PAM: variants seen among roughly 807,000 people sequenced by gnomAD.
PAM encodes the protein peptidyl-glycine alpha-amidating monooxygenase.
In PAM, 72 loss-of-function variants were observed where a neutral mutation model predicts 122.1. The ratio of observed to expected loss-of-function variants is 0.59; its 90% CI spans 0.49 to 0.72. The LOEUF is 0.72. PAM is among the 30% of genes least tolerant of loss of function. PAM has a pLI of 0.00. For synonymous variants in PAM, 389 were observed against 404.4 expected (o/e 0.96, Z 0.46); for missense variants, 1,106 against 1,183.7 (o/e 0.93, Z 0.96).
At chr5:102,916,672 A>G (rs1803208046) in intron 5 of PAM, among the ~76,000 whole-genome samples, 1 of 147,042 alleles carries the variant, frequency 6.8e-6, no homozygotes, top group South Asian at 2.1e-4. Context: ...AAAGATTATA[A>G]TACATATTTA....
chr5:102,767,111 G>A (rs1754340620), intron 1 of PAM, among the ~76,000 whole-genome samples: 1 of 150,796 alleles, frequency 6.6e-6, no homozygotes, highest in Non-Finnish European at 1.5e-5. Context: ...AACCAGAAGG[G>A]TTTATGGTTT....
intron 3 of PAM, among the ~76,000 whole-genome samples, chr5:102,868,599 A>G (rs574191531): frequency 1.1e-4 from 16 of 152,230 alleles, no homozygotes; most frequent in Non-Finnish European, 2.1e-4. Context: ...GAGAAGAACA[A>G]CAGTTGCTCA....
intron 1 of PAM, among the ~76,000 whole-genome samples, chr5:102,770,580 T>C (rs776455688): frequency 6.6e-6 from 1 of 152,152 alleles, no homozygotes; most frequent in Non-Finnish European, 1.5e-5. Flanking sequence ...TGAAAGTACA[T>C]TGAATTTTAT....
At chr5:103,013,735 A>G (rs956576188) in intron 21 of PAM, among the ~76,000 whole-genome samples, 2 of 152,194 alleles carry the variant, frequency 1.3e-5, no homozygotes, top group Non-Finnish European at 2.9e-5. Context: ...GCATTATGCT[A>G]GGTACTAAGG....
At position 103,019,780 on chromosome 5, in the gene PAM, G is replaced by A. The variant is rs1783042878; in HGVS notation, c.2432-10G>A. ...TCTGACTTTTCTCTCTCCTTGTTGT[G>A]TTGTTACAGAATTGGAACATCGATC... On this transcript the variant is annotated splice_polypyrimidine_tract_variant and intron_variant, in intron 22 of 25. Transcript: ENST00000438793. 6.3e-7 allele frequency: 1 copy of A among 1,588,368 alleles called. No homozygotes were observed. The highest frequency in any genetic ancestry group is 8.6e-7 in the Non-Finnish European group (1 of 1,156,914).
chr5:102,968,711 C>T (rs960884088), intron 14 of PAM, among the ~76,000 whole-genome samples: 15 of 151,958 alleles, frequency 9.9e-5, no homozygotes, highest in African/African-American at 1.7e-4. Flanking sequence ...AGCAGGGAGT[C>T]CCAGAATAGA....
At chr5:102,851,039 A>C (rs908891026) in intron 1 of PAM, among the ~76,000 whole-genome samples, 1 of 152,210 alleles carries the variant, frequency 6.6e-6, no homozygotes, top group Non-Finnish European at 1.5e-5. Flanking sequence ...ACAGGAGGAA[A>C]GAGGGATTGG....
intron 16 of PAM, among the ~76,000 whole-genome samples, chr5:102,996,932 G>C (rs1053674296): frequency 1.3e-5 from 2 of 151,964 alleles, no homozygotes; most frequent in South Asian, 4.2e-4. Flanking sequence ...TGTTAGCTTT[G>C]TGTCATTTTT....
chr5:102,891,123 T>A (rs541739020), intron 3 of PAM, among the ~76,000 whole-genome samples: 123 of 151,922 alleles, frequency 8.1e-4, no homozygotes, highest in Non-Finnish European at 1.5e-3. Flanking sequence ...TTATAAAAGG[T>A]TTTTAGTCAT....
In PAM at chr5:102,940,323, ACTTT is replaced by A. The variant is rs369265266; in HGVS notation, c.527-6509_527-6506del. ...CATTTCATGATTTATTTTATCTAGT[ACTTT>A]CTTTATGGTTTCTAGACTTTTGCAG... is the stretch of plus-strand genomic sequence containing the variant. On this transcript the variant is annotated intron_variant, in intron 7 of 25. Transcript: ENST00000438793. Among the ~76,000 whole-genome samples the A allele has an allele frequency of 3.8e-4, 58 of 151,746 alleles. No homozygotes were observed. The East Asian group carries it at 4.6e-3, about 12-fold the overall frequency.
At chr5:102,895,252 A>C (rs1795888499) in intron 3 of PAM, among the ~76,000 whole-genome samples, 1 of 151,804 alleles carries the variant, frequency 6.6e-6, no homozygotes, top group Non-Finnish European at 1.5e-5. Context: ...TTTCCTCTGA[A>C]TTATTAGCTT....
At chr5:102,876,570 A>G (rs1025798412) in intron 3 of PAM, among the ~76,000 whole-genome samples, 1 of 152,216 alleles carries the variant, frequency 6.6e-6, no homozygotes, top group African/African-American at 2.4e-5. Context: ...ACAAAGCTGG[A>G]CACTCCTAAA....
At chr5:102,787,735 G>A (rs914731425) in intron 1 of PAM, among the ~76,000 whole-genome samples, 1 of 152,064 alleles carries the variant, frequency 6.6e-6, no homozygotes, top group Non-Finnish European at 1.5e-5. Flanking sequence ...CTTGGTGAGT[G>A]AATGGAAAAT....
chr5:103,003,173 TAA>T, intron 17 of PAM, 24 bp downstream of exon 17: 1 of 999,876 alleles, frequency 1.0e-6, no homozygotes. Flanking sequence ...CTTATGTTGT[TAA>T]GACTTGTACT....
At chr5:102,992,255 A>C (rs566933652) in intron 16 of PAM, among the ~76,000 whole-genome samples, 1 of 152,308 alleles carries the variant, frequency 6.6e-6, no homozygotes, top group East Asian at 1.9e-4. Context: ...GCAGTTGAAC[A>C]TGCAAGATGT....
chr5:102,982,244 G>A (rs910328890), intron 15 of PAM, among the ~76,000 whole-genome samples: 1 of 152,166 alleles, frequency 6.6e-6, no homozygotes, highest in South Asian at 2.1e-4. Flanking sequence ...CCACAGGGGG[G>A]CCTGAGGACT....
intron 1 of PAM, among the ~76,000 whole-genome samples, chr5:102,782,972 TAC>T (rs1212436074): frequency 6.6e-6 from 1 of 152,132 alleles, no homozygotes; most frequent in Non-Finnish European, 1.5e-5. Flanking sequence ...GTACCACTTT[TAC>T]ACTTTGAAGA....
At chr5:102,941,833 CAAAAAAAAAAAAAAA>C (rs70990420) in intron 7 of PAM, among the ~76,000 whole-genome samples, 1 of 58,376 alleles carries the variant, frequency 1.7e-5, no homozygotes, top group African/African-American at 6.2e-5. Flanking sequence ...CCAGATGGTA[CAAAAAAAAAAAAAAA>C]AAAAAAAAAA....
chr5:102,775,889 G>C (rs1211384746), intron 1 of PAM, among the ~76,000 whole-genome samples: 3 of 151,876 alleles, frequency 2.0e-5, no homozygotes, highest in Non-Finnish European at 4.4e-5. Flanking sequence ...TGGCATTTCT[G>C]GTAATACATC....
Sources: gnomAD v4.1 joint callset for allele counts (sites outside exome capture counted in the v4.1 genomes callset) on GRCh38, gnomAD v4.1.1 for gene constraint, MANE v1.5 for transcripts, NCBI Gene and HGNC (gene_info 2026-07-23, HGNC 2026-07-21) for gene names.